F13A1: variants seen among roughly 807,000 people sequenced by gnomAD.
The protein encoded by F13A1 is FSF, A subunit.
F13A1 carries 47 observed loss-of-function variants against 80.1 expected under a neutral mutation model. The ratio of observed to expected loss-of-function variants is 0.59; its 90% CI spans 0.46 to 0.75. The LOEUF is 0.75. Among genes scored for constraint, F13A1 ranks in the 30% least tolerant of loss-of-function variants. The pLI, the probability that F13A1 is intolerant of heterozygous loss-of-function variation, is 0.00. For missense variants in F13A1, 817 were observed against 930.4 expected (o/e 0.88, Z 1.59); for synonymous variants, 349 against 344.9 (o/e 1.01, Z -0.13).
intron 2 of F13A1, among the ~76,000 whole-genome samples, chr6:6,308,892 C>T (rs1310133106): frequency 1.3e-5 from 2 of 152,038 alleles, no homozygotes; most frequent in Non-Finnish European, 2.9e-5. Flanking sequence ...CCTTAAAACA[C>T]ATTCTAATGT....
chr6:6,195,200 C>T (rs567562105), intron 10 of F13A1, among the ~76,000 whole-genome samples: 1 of 152,352 alleles, frequency 6.6e-6, no homozygotes, highest in African/African-American at 2.4e-5. Context: ...TCTGAAATGG[C>T]AGAGCCTTTG....
rs558014080 is a variant in F13A1, at chr6:6,162,386, C to T, written c.1908+5072G>A. 6.6e-6 allele frequency among the ~76,000 whole-genome samples: 1 copy of T among 152,180 alleles called. No individual in the cohort carries two copies. The highest frequency in any genetic ancestry group is 2.1e-4 in the South Asian group (1 of 4,830). ...TCTCCATCCATCTCTACTGGTTGAACGTTATCTGTTCATTGGAGACCATTC... is the reference window on the plus strand; with the variant it reads ...TCTCCATCCATCTCTACTGGTTGAATGTTATCTGTTCATTGGAGACCATTC... On this transcript the variant is annotated intron_variant, in intron 13 of 14. Coordinates refer to ENST00000264870, the MANE Select transcript of F13A1 (RefSeq NM_000129.4). The surrounding 1 kb of genome is among the most constrained non-coding windows in gnomAD (Gnocchi z 4.2).
chr6:6,147,973 C>T (rs1035076477), intron 14 of F13A1, among the ~76,000 whole-genome samples: 4 of 152,106 alleles, frequency 2.6e-5, no homozygotes, highest in South Asian at 2.1e-4. Context: ...CTTGAATGCA[C>T]GCAGGCAAAT....
chr6:6,297,733 G>A lies in F13A1; in HGVS notation c.319+7618C>T, dbSNP rs1758353389. Among the ~76,000 whole-genome samples the A allele has an allele frequency of 2.0e-5, 3 of 148,996 alleles. No homozygotes were observed. The South Asian group carries it at 6.3e-4, about 31-fold the overall frequency. ...TCATTAATTTTTTGAAGGGTTTTTT[G>A]TGTCTCTATTTCCTTCAGTTCTGCT... On this transcript the variant is annotated intron_variant, in intron 3 of 14. Transcript: ENST00000264870.
chr6:6,226,832 T>A (rs1431391836), intron 6 of F13A1, among the ~76,000 whole-genome samples: 1 of 152,148 alleles, frequency 6.6e-6, no homozygotes, highest in Non-Finnish European at 1.5e-5. Context: ...ATCAAGTGGA[T>A]GTAAAGATTA....
At chr6:6,266,487 T>C in intron 4 of F13A1, 71 bp downstream of exon 4, 1 of 1,612,166 alleles carries the variant, frequency 6.2e-7, no homozygotes, top group South Asian at 1.1e-5. Context: ...GCTGGGAGTA[T>C]AGGCATGTGC....
chr6:6,314,183 T>C (rs1007142806), intron 2 of F13A1, among the ~76,000 whole-genome samples: 1 of 152,060 alleles, frequency 6.6e-6, no homozygotes, highest in Non-Finnish European at 1.5e-5. Context: ...GGTTTCACCA[T>C]GTTGGCCAGG....
At chr6:6,199,885 G>A (rs1375577479) in intron 8 of F13A1, among the ~76,000 whole-genome samples, 2 of 152,232 alleles carry the variant, frequency 1.3e-5, no homozygotes, top group East Asian at 3.8e-4. Flanking sequence ...GCACCATGGA[G>A]AGGGAGAGAA....
intron 3 of F13A1, among the ~76,000 whole-genome samples, chr6:6,289,800 C>G (rs1393441669): frequency 6.7e-6 from 1 of 150,364 alleles, no homozygotes. Context: ...ATGTCATGCT[C>G]CACTGAACTT....
At chr6:6,213,996 G>A (rs1241546877) in intron 8 of F13A1, among the ~76,000 whole-genome samples, 1 of 123,804 alleles carries the variant, frequency 8.1e-6, no homozygotes, top group Non-Finnish European at 1.7e-5. Context: ...AAATATATAT[G>A]CACCCAATAC....
In F13A1 at chr6:6,145,716, G is replaced by C. The variant is rs1396234969; in HGVS notation, c.2102C>G (p.Ser701Cys). Reference sequence around the variant, plus strand: ...GCTGGCTATCAGCTTCCGATGCCCAGAGACCCAGGGCCGGCACACTTCTTC... The same window carrying C: ...GCTGGCTATCAGCTTCCGATGCCCACAGACCCAGGGCCGGCACACTTCTTC... ...QWEEVCRPWV[S>C]GHRKLIASMS... The change falls in exon 15 of 15, where the codon TCT (serine) becomes TGT (cysteine). Residue 701 changes from serine to cysteine, a missense_variant. Ser to Cys is a moderately radical substitution (Grantham distance 112, BLOSUM62 -1). Transcript: ENST00000264870. 1 of 1,614,128 alleles carries C rather than the reference G, an allele frequency of 6.2e-7. No homozygotes were observed.
At chr6:6,301,677 G>A (rs1583120866) in intron 3 of F13A1, among the ~76,000 whole-genome samples, 1 of 152,226 alleles carries the variant, frequency 6.6e-6, no homozygotes, top group East Asian at 1.9e-4. Flanking sequence ...AATGTTCACT[G>A]TAATGGATGC....
chr6:6,178,282 A>G (rs545100014), intron 11 of F13A1, among the ~76,000 whole-genome samples: 1 of 152,154 alleles, frequency 6.6e-6, no homozygotes, highest in Non-Finnish European at 1.5e-5. Flanking sequence ...CTTTTATTGG[A>G]CACTTATTAT....
At chr6:6,231,807 A>G (rs1757356264) in intron 6 of F13A1, among the ~76,000 whole-genome samples, 1 of 152,214 alleles carries the variant, frequency 6.6e-6, no homozygotes, top group South Asian at 2.1e-4. Context: ...TCAGCCAAGA[A>G]TTTTGTATCC....
In F13A1 at chr6:6,250,372, AAC is replaced by A. The variant is rs1282427859; in HGVS notation, c.690+437_690+438del. Among the ~76,000 whole-genome samples the A allele has an allele frequency of 1.3e-5, 2 of 151,988 alleles. No individual in the cohort carries two copies. Among genetic ancestry groups the A allele is most frequent in the Non-Finnish European group, 2.9e-5 (2 of 68,014 alleles). The stretch of plus-strand genomic sequence containing the variant: ...GTGGCCCTTCCTTTGATGAAATGAT[AAC>A]ACTCTTTTCTAATTAGCAGTACCCT... On this transcript the variant is annotated intron_variant, in intron 5 of 14. Coordinates refer to ENST00000264870, the MANE Select transcript of F13A1 (RefSeq NM_000129.4). The surrounding 1 kb of genome is among the most constrained non-coding windows in gnomAD (Gnocchi z 4.2).
At chr6:6,205,760 T>G (rs1396530385) in intron 8 of F13A1, among the ~76,000 whole-genome samples, 1 of 151,938 alleles carries the variant, frequency 6.6e-6, no homozygotes, top group Non-Finnish European at 1.5e-5. Flanking sequence ...AGGCAGGGAA[T>G]GAAACCAAAT....
At chr6:6,308,002 T>C (rs1013036837) in intron 2 of F13A1, among the ~76,000 whole-genome samples, 38 of 151,578 alleles carry the variant, frequency 2.5e-4, no homozygotes, top group Non-Finnish European at 7.4e-5. Context: ...GAGTAAAACA[T>C]TCTTCATTTA....
At chr6:6,210,674 G>A (rs936062905) in intron 8 of F13A1, among the ~76,000 whole-genome samples, 5 of 151,792 alleles carry the variant, frequency 3.3e-5, no homozygotes, top group Non-Finnish European at 7.4e-5. Context: ...GATTACAGGT[G>A]TGAGCCACCT....
At chr6:6,198,481 G>A (rs1382109795) in intron 8 of F13A1, among the ~76,000 whole-genome samples, 1 of 152,192 alleles carries the variant, frequency 6.6e-6, no homozygotes, top group Admixed American at 6.5e-5. Flanking sequence ...ACTACCACGG[G>A]TTCCGTGCCT....
Sources: gnomAD v4.1 joint callset for allele counts (sites outside exome capture counted in the v4.1 genomes callset) on GRCh38, gnomAD v4.1.1 for gene constraint, Gnocchi (gnomAD v3.1) non-coding constraint, MANE v1.5 for transcripts, NCBI Gene and HGNC (gene_info 2026-07-23, HGNC 2026-07-21) for gene names.